Variants in PLCZ1 observed in about 807,000 individuals in gnomAD.
PLCZ1 encodes the protein 1-phosphatidylinositol 4,5-bisphosphate phosphodiesterase zeta-1.
Under a neutral mutation model 76.8 loss-of-function variants are expected in PLCZ1, and 64 were observed. The observed-to-expected ratio is 0.83, with a 90% CI of 0.68 to 1.03. The LOEUF is 1.03. Ranked by LOEUF, PLCZ1 falls within the 50% of genes least tolerant of loss-of-function variation. The pLI, the probability that PLCZ1 is intolerant of heterozygous loss-of-function variation, is 0.00. For synonymous variants in PLCZ1, 248 were observed against 230.8 expected, an observed-to-expected ratio of 1.07 and a Z score of -0.68; for missense variants, 751 against 713.7, an observed-to-expected ratio of 1.05 and a Z score of -0.60.
Position 18,686,074 on chromosome 12 carries a change from C to A in PLCZ1, c.1592-1795G>T, listed in dbSNP as rs193265809. Among the ~76,000 whole-genome samples, 82 of 152,094 alleles carry A rather than the reference C, an allele frequency of 5.4e-4. No individual in the cohort carries two copies. The East Asian group carries it at 0.015, about 27-fold the overall frequency. ...TGTCTAGCTAAATCATCTTAAAATT[C>A]TTCTTGTCCAGCCATCTGGACGTTG... On this transcript the variant is annotated intron_variant, in intron 13 of 14. Transcript: ENST00000266505.
the PLCZ1 span, among the ~76,000 whole-genome samples, chr12:18,676,182 C>G: frequency 6.6e-6 from 1 of 152,024 alleles, no homozygotes; most frequent in East Asian, 1.9e-4. Flanking sequence ...ATACATGGAA[C>G]TGAAAAAACA....
Position 18,736,284 on chromosome 12 carries a change from A to C in PLCZ1, c.72T>G (p.Thr24=). The C allele has an allele frequency of 6.2e-7, 1 of 1,612,768 alleles. No homozygotes were observed. ...FRGGKINLEK[T]QRLLEKLDIR... is the part of the protein sequence containing the mutation. ...TATCTAATTTTTCAAGTAACCTCTG[A>C]GTTTTTTCTAGGTTAATTTTTCCAC... The change falls in exon 3 of 15, where the codon ACT becomes ACG. Residue 24 remains threonine (T), a synonymous_variant. Coordinates refer to ENST00000266505, the MANE Select transcript of PLCZ1 (RefSeq NM_033123.4).
intron 6 of PLCZ1, among the ~76,000 whole-genome samples, chr12:18,711,998 T>A (rs1240635098): frequency 1.3e-5 from 2 of 152,174 alleles, no homozygotes; most frequent in African/African-American, 4.8e-5. Context: ...TATATAAATT[T>A]GTGATTTTAA....
At chr12:18,684,751 T>C (rs558841743) in intron 13 of PLCZ1, among the ~76,000 whole-genome samples, 9 of 152,124 alleles carry the variant, frequency 5.9e-5, no homozygotes, top group African/African-American at 2.2e-4. Flanking sequence ...ACTAAGTCCT[T>C]GATATGGTTA....
chr12:18,709,580 G>T (rs1185016184), intron 6 of PLCZ1, among the ~76,000 whole-genome samples: 1 of 150,970 alleles, frequency 6.6e-6, no homozygotes, highest in African/African-American at 2.4e-5. Context: ...GATAAGAATT[G>T]CATTAAATCT....
chr12:18,655,278 A>G, the PLCZ1 span, among the ~76,000 whole-genome samples: 6 of 152,190 alleles, frequency 3.9e-5, no homozygotes, highest in South Asian at 1.0e-3. Context: ...AAGGAAAAAA[A>G]TATTCCCAAA....
Position 18,707,814 on chromosome 12 carries a change from A to G in PLCZ1, c.715-2499T>C, listed in dbSNP as rs549205433. Among the ~76,000 whole-genome samples the G allele has an allele frequency of 2.6e-5, 4 of 152,254 alleles. No homozygotes were observed. In the South Asian group the frequency reaches 8.3e-4, roughly 32 times the overall value. On this transcript the variant is annotated intron_variant, in intron 6 of 14. Coordinates refer to ENST00000266505, the MANE Select transcript of PLCZ1 (RefSeq NM_033123.4). ...CTTGTTCAGCTGGGAAGTCTCATTGAGTCTCCACTGCTCAAAGCCTTGTTT... is the reference window on the plus strand; with the variant it reads ...CTTGTTCAGCTGGGAAGTCTCATTGGGTCTCCACTGCTCAAAGCCTTGTTT...
the PLCZ1 span, among the ~76,000 whole-genome samples, chr12:18,656,460 G>A: frequency 6.6e-6 from 1 of 152,150 alleles, no homozygotes; most frequent in Admixed American, 6.5e-5. Flanking sequence ...CAGCTACTTG[G>A]AAGGCTGAGG....
chr12:18,712,908 G>C lies in PLCZ1; in HGVS notation c.648C>G (p.Gly216=), dbSNP rs1268388549. 1.2e-6 allele frequency: 2 copies of C among 1,613,780 alleles called. No homozygotes were observed. Among genetic ancestry groups the C allele is most frequent in the East Asian group, 4.5e-5 (2 of 44,868 alleles). The change falls in exon 6 of 15, where the codon GGC becomes GGG. Residue 216 remains glycine, a synonymous_variant. Coordinates refer to ENST00000266505, the MANE Select transcript of PLCZ1 (RefSeq NM_033123.4). ...ACAGAAGTTTGCTTGTGAGTGTGTAGCCATGATATACAACAGGTTCATTTT... is the reference window on the plus strand; with the variant it reads ...ACAGAAGTTTGCTTGTGAGTGTGTACCCATGATATACAACAGGTTCATTTT... ...GAQNEPVVYH[G]YTLTSKLLFK... is the part of the protein sequence containing the mutation.
the PLCZ1 span, among the ~76,000 whole-genome samples, chr12:18,669,580 G>A: frequency 3.3e-5 from 5 of 152,062 alleles, no homozygotes; most frequent in Non-Finnish European, 2.9e-5. Flanking sequence ...GTTGGTGAGG[G>A]CCCCTATTCC....
At chr12:18,658,486 C>T in the PLCZ1 span, among the ~76,000 whole-genome samples, 75 of 152,148 alleles carry the variant, frequency 4.9e-4, no homozygotes, top group Middle Eastern at 0.01. Flanking sequence ...AGATTAATGG[C>T]TGATTGTTAC....
At position 18,699,793 on chromosome 12, in the gene PLCZ1, C is replaced by T; in HGVS notation, c.1174+1G>A. On this transcript the variant is annotated splice_donor_variant, in intron 10 of 14. Transcript: ENST00000266505. LOFTEE classifies it high-confidence loss of function. The stretch of plus-strand genomic sequence containing the variant: ...CATCTATTTGAGTCACAAAAATTTA[C>T]CTCGCAATTTTGAAAGTTTTCGGGC... 1 of 1,612,826 alleles carries T rather than the reference C, an allele frequency of 6.2e-7. No homozygotes were observed. The highest frequency in any genetic ancestry group is 8.5e-7 in the Non-Finnish European group (1 of 1,179,164).
At chr12:18,692,430 G>C (rs568945288) in intron 12 of PLCZ1, among the ~76,000 whole-genome samples, 1 of 152,236 alleles carries the variant, frequency 6.6e-6, no homozygotes, top group African/African-American at 2.4e-5. Flanking sequence ...TAGCACTTAG[G>C]TTATAGAGGA....
chr12:18,673,584 T>A, the PLCZ1 span, among the ~76,000 whole-genome samples: 1 of 152,202 alleles, frequency 6.6e-6, no homozygotes, highest in African/African-American at 2.4e-5. Context: ...TCTATTGTTA[T>A]GTAACAAATT....
chr12:18,650,319 C>CTATA, the PLCZ1 span, among the ~76,000 whole-genome samples: 65 of 96,728 alleles, frequency 6.7e-4, no homozygotes, highest in Admixed American at 7.8e-4. Flanking sequence ...CTCTCTCTCT[C>CTATA]TCTCTCTCTC....
downstream of PLCZ1, among the ~76,000 whole-genome samples, chr12:18,681,336 T>A (rs1372656413): frequency 2.0e-5 from 3 of 152,050 alleles, no homozygotes; most frequent in Non-Finnish European, 4.4e-5. Flanking sequence ...GTTTAAAAAA[T>A]CTTCTGTTGC....
At chr12:18,666,645 A>T in the PLCZ1 span, among the ~76,000 whole-genome samples, 1 of 152,218 alleles carries the variant, frequency 6.6e-6, no homozygotes, top group South Asian at 2.1e-4. Flanking sequence ...AACTTTCAAT[A>T]GGAAAAAGTA....
At chr12:18,734,882 T>C (rs183432272) in intron 3 of PLCZ1, among the ~76,000 whole-genome samples, 1 of 152,360 alleles carries the variant, frequency 6.6e-6, no homozygotes, top group African/African-American at 2.4e-5. Context: ...TTATTTTATA[T>C]GATATTAGCT....
At chr12:18,654,469 T>C in the PLCZ1 span, among the ~76,000 whole-genome samples, 1 of 152,124 alleles carries the variant, frequency 6.6e-6, no homozygotes. Context: ...AATAGATCTT[T>C]CAAGTGGTTA....
Sources: allele counts gnomAD v4.1 joint callset (sites outside exome capture counted in the v4.1 genomes callset), GRCh38; gene constraint gnomAD v4.1.1; transcripts MANE v1.5; gene names NCBI Gene and HGNC (gene_info 2026-07-23, HGNC 2026-07-21).